The following TRDN variants were observed in gnomAD, a reference collection of about 807,000 sequenced individuals.
TRDN encodes the protein triadin in skeletal muscle.
Under a neutral mutation model 149.7 loss-of-function variants are expected in TRDN, and 161 were observed. The ratio of observed to expected loss-of-function variants is 1.08; its 90% CI spans 0.95 to 1.23. The LOEUF is 1.23. TRDN is among the 50% of genes most tolerant of loss of function. TRDN has a pLI of 0.00. For synonymous variants in TRDN, 294 were observed against 250.5 expected (o/e 1.17, Z -1.64); for missense variants, 896 against 823.5 (o/e 1.09, Z -1.08).
intron 24 of TRDN, among the ~76,000 whole-genome samples, chr6:123,301,703 A>G (rs2114670175): frequency 6.8e-6 from 1 of 146,372 alleles, no homozygotes; most frequent in Non-Finnish European, 1.5e-5. Flanking sequence ...TTTTCTTGTA[A>G]TAAACCAACC....
At chr6:123,596,251 G>A (rs1040554513) in intron 1 of TRDN, among the ~76,000 whole-genome samples, 1 of 152,010 alleles carries the variant, frequency 6.6e-6, no homozygotes, top group Non-Finnish European at 1.5e-5. Context: ...TCCAGACCAA[G>A]GCACTAACTC....
At chr6:123,485,634 C>G (rs1019673938) in intron 9 of TRDN, among the ~76,000 whole-genome samples, 1 of 152,002 alleles carries the variant, frequency 6.6e-6, no homozygotes, top group African/African-American at 2.4e-5. Context: ...TATATGGGAA[C>G]CACCATCCAC....
chr6:123,503,611 C>T lies in TRDN; in HGVS notation c.793+108G>A, dbSNP rs748962131. ...ATATTTACTTTAATGTCTTTTACCCCCATTTGAAGTCTGATTTTGGTCTTT... is the reference window on the plus strand; with the variant it reads ...ATATTTACTTTAATGTCTTTTACCCTCATTTGAAGTCTGATTTTGGTCTTT... On this transcript the variant is annotated intron_variant, in intron 8 of 40. Transcript: ENST00000334268. 15 of 1,533,088 alleles carry T rather than the reference C, an allele frequency of 9.8e-6. No homozygotes were observed. In the South Asian group the frequency reaches 1.4e-4, roughly 14 times the overall value. The allele number at this position is 1,533,088 out of a possible 1,614,324, so 95.0% of individuals were successfully genotyped here.
At chr6:123,255,584 C>T (rs371504946) in intron 36 of TRDN, among the ~76,000 whole-genome samples, 22 of 152,094 alleles carry the variant, frequency 1.4e-4, no homozygotes, top group African/African-American at 4.1e-4. Context: ...TTAAGAAAAA[C>T]GGCAGCATTT....
chr6:123,467,720 G>A (rs1776916105), intron 9 of TRDN, among the ~76,000 whole-genome samples: 1 of 152,148 alleles, frequency 6.6e-6, no homozygotes, highest in Non-Finnish European at 1.5e-5. Flanking sequence ...AATCAGTAAT[G>A]TCAGAGAATC....
intron 12 of TRDN, among the ~76,000 whole-genome samples, chr6:123,417,149 C>T (rs1310722573): frequency 6.6e-6 from 1 of 152,188 alleles, no homozygotes; most frequent in East Asian, 1.9e-4. Context: ...GATTTGCATA[C>T]CACCAAGGTC....
chr6:123,610,423 G>A lies in TRDN; in HGVS notation c.22+26331C>T, dbSNP rs74705221. 4.8e-4 allele frequency among the ~76,000 whole-genome samples: 73 copies of A among 152,184 alleles called. 1 individual carries two copies. In the East Asian group the frequency reaches 7.4e-3, roughly 15 times the overall value. ...TTACTGATGACTCTCATTCCATGTC[G>A]CTATGTGTTCATTCACTCTGCAATG... is the stretch of plus-strand genomic sequence containing the variant. On this transcript the variant is annotated intron_variant, in intron 1 of 40. Coordinates refer to ENST00000334268, the MANE Select transcript of TRDN (RefSeq NM_006073.4).
chr6:123,451,069 C>A (rs1198965112), intron 10 of TRDN, among the ~76,000 whole-genome samples: 2 of 151,960 alleles, frequency 1.3e-5, no homozygotes, highest in Non-Finnish European at 2.9e-5. Context: ...TAATAACCAA[C>A]CTACCAAAAC....
intron 38 of TRDN, among the ~76,000 whole-genome samples, chr6:123,238,227 T>C (rs1004162472): frequency 1.1e-4 from 17 of 152,122 alleles, no homozygotes; most frequent in Non-Finnish European, 1.9e-4. Context: ...CTGGCAAACA[T>C]ATAAGTACAG....
chr6:123,497,133 C>G (rs1778483549), intron 9 of TRDN, 60 bp downstream of exon 9: 1 of 1,335,468 alleles, frequency 7.5e-7, no homozygotes, highest in Non-Finnish European at 1.0e-6. Context: ...ACATAAAAAG[C>G]CCACAATCTT....
chr6:123,334,971 A>G (rs1779808781), intron 22 of TRDN, among the ~76,000 whole-genome samples: 1 of 152,072 alleles, frequency 6.6e-6, no homozygotes, highest in African/African-American at 2.4e-5. Flanking sequence ...GAAGTAACTG[A>G]CAAAATACAA....
intron 1 of TRDN, among the ~76,000 whole-genome samples, chr6:123,628,965 A>C (rs200207303): frequency 6.6e-6 from 1 of 152,120 alleles, no homozygotes; most frequent in East Asian, 1.9e-4. Context: ...TGCAATGCCT[A>C]ATATTTCTGC....
At chr6:123,560,689 C>T (rs917059643) in intron 2 of TRDN, among the ~76,000 whole-genome samples, 2 of 152,130 alleles carry the variant, frequency 1.3e-5, no homozygotes, top group African/African-American at 4.8e-5. Context: ...CTCATCTGGC[C>T]ACTCTCACCC....
intron 4 of TRDN, among the ~76,000 whole-genome samples, chr6:123,532,117 C>T (rs115044503): frequency 2.9e-4 from 44 of 152,082 alleles, no homozygotes; most frequent in African/African-American, 8.7e-4. Flanking sequence ...GACATTTGTG[C>T]ATATTAAGGA....
chr6:123,479,509 A>G (rs1777647864), intron 9 of TRDN, among the ~76,000 whole-genome samples: 1 of 152,212 alleles, frequency 6.6e-6, no homozygotes, highest in Admixed American at 6.5e-5. Flanking sequence ...TGAATTCTGC[A>G]CTCACATATT....
intron 9 of TRDN, among the ~76,000 whole-genome samples, chr6:123,494,948 G>A (rs1037524774): frequency 6.6e-6 from 1 of 151,808 alleles, no homozygotes; most frequent in African/African-American, 2.4e-5. Flanking sequence ...TGGCCAGGCT[G>A]GTCTCAAACT....
chr6:123,333,378 G>A (rs1282798166), intron 22 of TRDN, among the ~76,000 whole-genome samples: 4 of 152,072 alleles, frequency 2.6e-5, no homozygotes, highest in Non-Finnish European at 5.9e-5. Flanking sequence ...TTTTAGTGGA[G>A]AGAGAAGGAA....
intron 8 of TRDN, chr6:123,498,600 T>A: frequency 4.2e-6 from 2 of 471,064 alleles, no homozygotes; most frequent in South Asian, 3.1e-5. Context: ...CCCTTTGATG[T>A]ACTGGCAGTA....
chr6:123,471,597 C>T (rs1777155247), intron 9 of TRDN: 1 of 152,136 alleles, frequency 6.6e-6, no homozygotes, highest in South Asian at 2.1e-4. Flanking sequence ...TCCTCCAGGC[C>T]AAAATGTTTC....
Sources: gnomAD v4.1 joint callset for allele counts (sites outside exome capture counted in the v4.1 genomes callset) on GRCh38, gnomAD v4.1.1 for gene constraint, MANE v1.5 for transcripts, NCBI Gene and HGNC (gene_info 2026-07-23, HGNC 2026-07-21) for gene names.